Variants in WDR4 observed in about 807,000 individuals in gnomAD.
WDR4 encodes tRNA (guanine-N(7)-)-methyltransferase non-catalytic subunit WDR4.
A neutral mutation model predicts 48.6 loss-of-function variants in WDR4; 47 were observed. That is an observed-to-expected ratio of 0.97 (90% CI 0.77 to 1.23). The LOEUF (loss-of-function observed/expected upper bound fraction) is 1.23, where lower values mean the gene tolerates loss of function less well. Among genes scored for constraint, WDR4 ranks in the 50% most tolerant of loss-of-function variants. The pLI, the probability that WDR4 is intolerant of heterozygous loss-of-function variation, is 0.00. For missense variants in WDR4, 606 were observed against 551.6 expected, an observed-to-expected ratio of 1.10 and a Z score of -0.99; for synonymous variants, 268 against 230.0, an observed-to-expected ratio of 1.17 and a Z score of -1.49.
the WDR4 span, among the ~76,000 whole-genome samples, chr21:42,892,066 A>G: frequency 6.6e-6 from 1 of 151,190 alleles, no homozygotes; most frequent in African/African-American, 2.4e-5. Context: ...ATCCTGGCTA[A>G]CACGGTGAAA....
At chr21:42,856,071 A>T (rs930179884) in intron 6 of WDR4, among the ~76,000 whole-genome samples, 2 of 152,232 alleles carry the variant, frequency 1.3e-5, no homozygotes, top group Non-Finnish European at 2.9e-5. Flanking sequence ...AGGCCGCTAG[A>T]TGGCCAGGTT....
At chr21:42,861,837 C>A (rs2058123213) in intron 5 of WDR4, among the ~76,000 whole-genome samples, 1 of 152,238 alleles carries the variant, frequency 6.6e-6, no homozygotes, top group Non-Finnish European at 1.5e-5. Context: ...TCAGAAACAC[C>A]TCCACATGGG....
chr21:42,874,829 G>A (rs914239224), intron 2 of WDR4, among the ~76,000 whole-genome samples: 9 of 152,092 alleles, frequency 5.9e-5, no homozygotes, highest in East Asian at 1.9e-4. Context: ...ATTTTGCCCC[G>A]GTCCTGTGGT....
At chr21:42,881,804 C>A (rs1002308099), upstream of WDR4, among the ~76,000 whole-genome samples, 12 of 152,050 alleles carry the variant, frequency 7.9e-5, no homozygotes, top group African/African-American at 2.9e-4. Flanking sequence ...CTATGGCTTT[C>A]TTTTTTTCTT....
rs1555975338 is a variant in WDR4 at position 42,859,558 on chromosome 21, C to CCAGGGGCCAGCAATCCA, written c.627+103_627+104insTGGATTGCTGGCCCCTG. The CCAGGGGCCAGCAATCCA allele has an allele frequency of 1.8e-5, 15 of 820,618 alleles. No individual in the cohort carries two copies. The African/African-American group carries it at 1.8e-4, about 10-fold the overall frequency. 50.8% of individuals were successfully genotyped at this position (820,618 alleles called of 1,614,324 possible). On this transcript the variant is annotated intron_variant, in intron 6 of 10. Coordinates refer to ENST00000398208, the MANE Select transcript of WDR4 (RefSeq NM_018669.6). ...AGATCTAGTGGACAGCCACAGCCAGCCAGGGGCCAGCGATCCACAGGGGCC... is the reference window on the plus strand; with the variant it reads ...AGATCTAGTGGACAGCCACAGCCAGCCAGGGGCCAGCAATCCACAGGGGCCAGCGATCCACAGGGGCC...
the WDR4 span, among the ~76,000 whole-genome samples, chr21:42,887,802 G>A: frequency 2.7e-5 from 4 of 147,432 alleles, no homozygotes; most frequent in East Asian, 1.9e-4. Flanking sequence ...CCTGTAATCC[G>A]AGTTACTCGG....
chr21:42,853,740 G>C lies in WDR4; in HGVS notation c.804C>G (p.Val268=). Residue 268 remains valine (V), a synonymous_variant, in exon 9 of 11, where the codon GTC becomes GTG. Coordinates refer to ENST00000398208, the MANE Select transcript of WDR4 (RefSeq NM_018669.6). ...TGCGGGCGTCCAGCTGGAAGATGTA[G>C]ACCACAGGAGTGCTTGCCACGAAGA... ...VALLCDGTPV[V]YIFQLDARRQ... is the part of the protein sequence containing the mutation. 4 of 1,557,368 alleles carry C rather than the reference G, an allele frequency of 2.6e-6. No homozygotes were observed. Among genetic ancestry groups the C allele is most frequent in the Non-Finnish European group, 3.5e-6 (4 of 1,150,462 alleles).
chr21:42,871,989 G>A (rs541754473), intron 3 of WDR4, among the ~76,000 whole-genome samples: 16 of 94,798 alleles, frequency 1.7e-4, no homozygotes, highest in Middle Eastern at 5.4e-3. Context: ...CTAGAATTTG[G>A]CTTTTTTTTT....
chr21:42,846,537 G>A (rs1297393091), downstream of WDR4, among the ~76,000 whole-genome samples: 4 of 152,174 alleles, frequency 2.6e-5, no homozygotes, highest in Admixed American at 6.6e-5. Flanking sequence ...TGTACAGTAC[G>A]CACACTGTAA....
intron 1 of WDR4, among the ~76,000 whole-genome samples, chr21:42,877,950 C>A (rs1229615475): frequency 6.8e-6 from 1 of 147,278 alleles, no homozygotes; most frequent in African/African-American, 2.5e-5. Flanking sequence ...GAGGCTGAGG[C>A]AGGAGAATGG....
At chr21:42,874,845 G>A (rs8132819) in intron 2 of WDR4, among the ~76,000 whole-genome samples, 91,219 of 151,758 alleles carry the variant, frequency 0.6, 28,195 homozygotes, top group African/African-American at 0.72. Context: ...GTGGTCCTGC[G>A]ATCTCGCCCT....
chr21:42,859,589 C>G, intron 6 of WDR4, 73 bp downstream of exon 6: 1 of 693,492 alleles, frequency 1.4e-6, no homozygotes, highest in Non-Finnish European at 2.2e-6. Context: ...GGGCCAGGTC[C>G]AGGAGGCGCC....
chr21:42,884,830 G>A, the WDR4 span, among the ~76,000 whole-genome samples: 471 of 152,058 alleles, frequency 3.1e-3, 4 homozygotes, highest in African/African-American at 0.01. Flanking sequence ...AGTCTGAAGT[G>A]CAATGGTGCA....
At position 42,862,175 on chromosome 21, in the gene WDR4, C is replaced by G. The variant is rs1206719755; in HGVS notation, c.566+107G>C. On this transcript the variant is annotated intron_variant, in intron 5 of 10. Transcript: ENST00000398208. The surrounding 1 kb of genome is among the most constrained non-coding windows in gnomAD (Gnocchi z 4.3). ...AAACACCAAGCACGGGGGCTGCTGT[C>G]ACCCGCGTGGGGCCTCGCCAGCTAC... 5.9e-5 allele frequency: 59 copies of G among 997,860 alleles called. No individual in the cohort carries two copies. Among genetic ancestry groups the G allele is most frequent in the Non-Finnish European group, 8.1e-5 (55 of 679,658 alleles). 61.8% of individuals were successfully genotyped at this position (997,860 alleles called of 1,614,324 possible).
chr21:42,844,830 G>A (rs2057697592), downstream of WDR4, among the ~76,000 whole-genome samples: 1 of 152,226 alleles, frequency 6.6e-6, no homozygotes, highest in Admixed American at 6.5e-5. Flanking sequence ...CTAAACTCCT[G>A]CAGACTGTCA....
intron 3 of WDR4, among the ~76,000 whole-genome samples, chr21:42,867,536 T>C (rs979068443): frequency 1.3e-5 from 2 of 152,182 alleles, no homozygotes; most frequent in Non-Finnish European, 2.9e-5. Context: ...TTCAGATTTG[T>C]TCAGGTTTTG....
the WDR4 span, among the ~76,000 whole-genome samples, chr21:42,885,246 T>G: frequency 6.6e-6 from 1 of 152,014 alleles, no homozygotes; most frequent in Admixed American, 6.6e-5. Context: ...ATTTTCCCCC[T>G]TCTCCTCCTC....
rs927253755 is a variant in WDR4 at position 42,849,904 on chromosome 21, C to A, written c.*145G>T. 4 of 992,982 alleles carry A rather than the reference C, an allele frequency of 4.0e-6. No individual in the cohort carries two copies. The highest frequency in any genetic ancestry group is 5.9e-6 in the Non-Finnish European group (4 of 682,014). The allele number at this position is 992,982 out of a possible 1,614,324, so 61.5% of individuals were successfully genotyped here. On this transcript the variant is annotated 3_prime_UTR_variant, in exon 11 of 11. Coordinates refer to ENST00000398208, the MANE Select transcript of WDR4 (RefSeq NM_018669.6). The stretch of plus-strand genomic sequence containing the variant: ...GTGCTGGTGACACAGAATGTTCTTT[C>A]TAGAGCCCAGGGGACAGCCCCATCC...
chr21:42,869,301 C>G (rs2058316379), intron 3 of WDR4, among the ~76,000 whole-genome samples: 1 of 152,198 alleles, frequency 6.6e-6, no homozygotes, highest in East Asian at 1.9e-4. Context: ...AATTCACTCC[C>G]AACTTCTACA....
Sources: allele counts gnomAD v4.1 joint callset (sites outside exome capture counted in the v4.1 genomes callset), GRCh38; gene constraint gnomAD v4.1.1; non-coding constraint Gnocchi (gnomAD v3.1); transcripts MANE v1.5; gene names NCBI Gene and HGNC (gene_info 2026-07-23, HGNC 2026-07-21).